Variants in NEDD4L observed in about 807,000 individuals in gnomAD.
NEDD4L encodes E3 ubiquitin-protein ligase NEDD4-like.
In NEDD4L, 54 loss-of-function variants were observed where a neutral mutation model predicts 148.9. That is an observed-to-expected ratio of 0.36 (90% confidence interval 0.29 to 0.45). NEDD4L has a LOEUF of 0.45. NEDD4L is among the 20% of genes least tolerant of loss of function. The pLI, the probability that NEDD4L is intolerant of heterozygous loss-of-function variation, is 1.00. For missense variants in NEDD4L, 856 were observed against 1,233.8 expected (o/e 0.69, Z 4.59); for synonymous variants, 433 against 440.7 (o/e 0.98, Z 0.22).
At chr18:58,223,801 A>G (rs1438729887) in intron 2 of NEDD4L, among the ~76,000 whole-genome samples, 1 of 152,236 alleles carries the variant, frequency 6.6e-6, no homozygotes, top group Admixed American at 6.5e-5. Flanking sequence ...CTTCAGGGCA[A>G]TGGCAGAAGC....
chr18:58,170,388 C>T, intron 2 of NEDD4L, among the ~76,000 whole-genome samples: 1 of 19,098 alleles, frequency 5.2e-5, no homozygotes, highest in Admixed American at 4.7e-4. Context: ...CTCATCACCC[C>T]AGCCCAAGAG....
chr18:58,296,526 C>T (rs2055596254), intron 5 of NEDD4L, among the ~76,000 whole-genome samples: 2 of 152,258 alleles, frequency 1.3e-5, no homozygotes, highest in Admixed American at 1.3e-4. Flanking sequence ...CTGCCCCTTG[C>T]TTCCTCCAGC....
chr18:58,123,065 T>C (rs1043905930), intron 1 of NEDD4L, among the ~76,000 whole-genome samples: 11 of 152,190 alleles, frequency 7.2e-5, no homozygotes, highest in Non-Finnish European at 1.3e-4. Context: ...ATACTGTTCT[T>C]GCCTCTGTGC....
At chr18:58,296,976 A>G (rs2055699891) in intron 5 of NEDD4L, among the ~76,000 whole-genome samples, 1 of 152,034 alleles carries the variant, frequency 6.6e-6, no homozygotes, top group Non-Finnish European at 1.5e-5. Flanking sequence ...AATCCCAGCT[A>G]CTTGGGAGGC....
chr18:58,245,415 A>G lies in NEDD4L; in HGVS notation c.123-12A>G. ...AGTATAATCCTATTAAATCTAAAAT[A>G]TTTTCTTACAGTGATCCGTATGTGA... On this transcript the variant is annotated splice_polypyrimidine_tract_variant and intron_variant, in intron 2 of 30. Transcript: ENST00000400345. The G allele has an allele frequency of 2.2e-6, 3 of 1,375,612 alleles. No homozygotes were observed. The highest frequency in any genetic ancestry group is 3.0e-6 in the Non-Finnish European group (3 of 986,468). 85.2% of individuals were successfully genotyped at this position (1,375,612 alleles called of 1,614,324 possible). A position where few individuals can be genotyped will look rare whatever the true frequency, so the allele number is the denominator to read the frequency against.
chr18:58,151,799 G>A (rs1234336954), intron 1 of NEDD4L, among the ~76,000 whole-genome samples: 1 of 152,034 alleles, frequency 6.6e-6, no homozygotes, highest in Admixed American at 6.5e-5. Flanking sequence ...GGTGAGGTGG[G>A]GTGGTGTGAG....
intron 1 of NEDD4L, among the ~76,000 whole-genome samples, chr18:58,164,165 C>T (rs112533059): frequency 0.01 from 1,568 of 150,816 alleles, 32 homozygotes; most frequent in African/African-American, 0.036. Context: ...TTTCAGTGCC[C>T]CTGCCTGACA....
chr18:58,370,382 T>C lies in NEDD4L; in HGVS notation c.2186-15T>C. 2 of 1,562,378 alleles carry C rather than the reference T, an allele frequency of 1.3e-6. No homozygotes were observed. Among genetic ancestry groups the C allele is most frequent in the Non-Finnish European group, 8.8e-7 (1 of 1,132,770 alleles). On this transcript the variant is annotated splice_polypyrimidine_tract_variant and intron_variant, in intron 22 of 30. Coordinates refer to ENST00000400345, the MANE Select transcript of NEDD4L (RefSeq NM_001144967.3). ...CAAAGACCTGAAACTAAACCCAGTG[T>C]TTACCGTGTTTTAGGTTTCTTCATT... is the stretch of plus-strand genomic sequence containing the variant.
intron 27 of NEDD4L, 34 bp downstream of exon 27, chr18:58,387,532 G>T: frequency 6.7e-7 from 1 of 1,492,988 alleles, no homozygotes. Context: ...ATGTAAAGTG[G>T]ATTTTTTAAA....
At chr18:58,328,367 C>T (rs1394194039) in intron 9 of NEDD4L, among the ~76,000 whole-genome samples, 1 of 152,174 alleles carries the variant, frequency 6.6e-6, no homozygotes, top group Non-Finnish European at 1.5e-5. Context: ...CAGACCCCGG[C>T]TGACTTGAGA....
chr18:58,165,693 G>A, intron 1 of NEDD4L, 95 bp from the exon 2 acceptor site: 2 of 1,509,540 alleles, frequency 1.3e-6, no homozygotes, highest in East Asian at 2.3e-5. Flanking sequence ...TCCCAATACT[G>A]GACTGAGTAG....
rs1331706025 is a variant in NEDD4L at position 58,149,702 on chromosome 18, T to C, written c.49-16086T>C. ...AGCTGTTAATTCATCTTTAACATAA[T>C]TGACCTGATTACTTCTTTCTTGAAG... On this transcript the variant is annotated intron_variant, in intron 1 of 30. Transcript: ENST00000400345. The C allele has an allele frequency of 8.8e-6, 6 of 678,286 alleles. No individual in the cohort carries two copies. The East Asian group carries it at 1.1e-4, about 12-fold the overall frequency. 42.0% of individuals were successfully genotyped at this position (678,286 alleles called of 1,614,324 possible).
At chr18:58,242,040 G>A (rs1252233563) in intron 2 of NEDD4L, among the ~76,000 whole-genome samples, 1 of 152,118 alleles carries the variant, frequency 6.6e-6, no homozygotes, top group African/African-American at 2.4e-5. Flanking sequence ...TTCATTGTGA[G>A]TAAGAGTCCC....
chr18:58,046,796 T>A (rs2081605179), intron 1 of NEDD4L: 1 of 152,172 alleles, frequency 6.6e-6, no homozygotes, highest in Admixed American at 6.5e-5. Flanking sequence ...GAAGACACCT[T>A]TTATTATCTA....
chr18:58,094,773 C>T (rs1672), intron 1 of NEDD4L, among the ~76,000 whole-genome samples: 15,343 of 152,052 alleles, frequency 0.1, 927 homozygotes, highest in Admixed American at 0.16. Flanking sequence ...TAGGTGGCGG[C>T]ACCTTGAGGG....
At chr18:58,339,364 G>A (rs984172810) in intron 13 of NEDD4L, among the ~76,000 whole-genome samples, 9 of 152,300 alleles carry the variant, frequency 5.9e-5, no homozygotes, top group East Asian at 1.9e-4. Flanking sequence ...TGAAGTGCCC[G>A]GATCCACGTA....
chr18:58,120,093 G>A (rs1489637403), intron 1 of NEDD4L, among the ~76,000 whole-genome samples: 1 of 152,196 alleles, frequency 6.6e-6, no homozygotes, highest in Non-Finnish European at 1.5e-5. Flanking sequence ...TCCAGTCTCT[G>A]GATCCCTTCT....
intron 2 of NEDD4L, among the ~76,000 whole-genome samples, chr18:58,185,967 G>A (rs2039423569): frequency 6.6e-6 from 1 of 152,182 alleles, no homozygotes; most frequent in African/African-American, 2.4e-5. Context: ...GCCAGTTCAT[G>A]CAGCAGATAC....
chr18:58,126,417 G>A (rs534664467), intron 1 of NEDD4L, among the ~76,000 whole-genome samples: 3 of 152,264 alleles, frequency 2.0e-5, no homozygotes, highest in South Asian at 2.1e-4. Flanking sequence ...CCCCTTTCAC[G>A]TGGCGTGTTT....
Sources: allele counts gnomAD v4.1 joint callset (sites outside exome capture counted in the v4.1 genomes callset), GRCh38; gene constraint gnomAD v4.1.1; transcripts MANE v1.5; gene names NCBI Gene and HGNC (gene_info 2026-07-23, HGNC 2026-07-21).